ACTL8: variants seen among roughly 807,000 people sequenced by gnomAD.
ACTL8 encodes actin like 8.
A neutral mutation model predicts 9.3 loss-of-function variants in ACTL8; 3 were observed. The observed-to-expected ratio is 0.32, with a 90% CI of 0.15 to 0.83. The LOEUF is 0.83. ACTL8 is among the 40% of genes least tolerant of loss of function. The pLI is 0.57. For missense variants in ACTL8, 381 were observed against 492.2 expected (o/e 0.77, Z 2.14); for synonymous variants, 224 against 205.9 (o/e 1.09, Z -0.75).
intron 1 of ACTL8, among the ~76,000 whole-genome samples, chr1:17,775,113 C>G (rs532227667): frequency 4.6e-5 from 7 of 152,326 alleles, no homozygotes; most frequent in African/African-American, 1.7e-4. Context: ...TCTGAGAGGA[C>G]TCCTTACATC....
At chr1:17,783,073 A>G (rs2066167871) in intron 1 of ACTL8, among the ~76,000 whole-genome samples, 1 of 152,186 alleles carries the variant, frequency 6.6e-6, no homozygotes, top group African/African-American at 2.4e-5. Flanking sequence ...CACCAAGAAC[A>G]GGTCTTGCTT....
chr1:17,787,178 A>G (rs1216358307), intron 1 of ACTL8, among the ~76,000 whole-genome samples: 2 of 152,082 alleles, frequency 1.3e-5, no homozygotes, highest in Non-Finnish European at 2.9e-5. Flanking sequence ...TCTTATAGTC[A>G]GTTACAAACA....
chr1:17,796,837 C>T (rs4920385), intron 1 of ACTL8, among the ~76,000 whole-genome samples: 31,817 of 152,168 alleles, frequency 0.21, 4,076 homozygotes, highest in Admixed American at 0.38. Context: ...GGCTACTTGT[C>T]GGAGTGTTAA....
intron 1 of ACTL8, among the ~76,000 whole-genome samples, chr1:17,807,202 C>T (rs960678956): frequency 1.3e-5 from 2 of 152,210 alleles, no homozygotes; most frequent in African/African-American, 4.8e-5. Flanking sequence ...ATCTTAATTC[C>T]ATCCGCAGTC....
intron 1 of ACTL8, among the ~76,000 whole-genome samples, chr1:17,810,206 A>G (rs557121660): frequency 6.6e-6 from 1 of 152,218 alleles, no homozygotes; most frequent in South Asian, 2.1e-4. Flanking sequence ...TTCTTTTCCT[A>G]AAAGCTTTTC....
intron 1 of ACTL8, among the ~76,000 whole-genome samples, chr1:17,777,039 A>G (rs12121439): frequency 0.33 from 42,812 of 130,442 alleles, 6,683 homozygotes; most frequent in Admixed American, 0.45. Flanking sequence ...GCCCAGGCTG[A>G]TCTTGAATCC....
At chr1:17,758,942 G>A (rs1292390991) in intron 1 of ACTL8, among the ~76,000 whole-genome samples, 1 of 152,198 alleles carries the variant, frequency 6.6e-6, no homozygotes, top group Non-Finnish European at 1.5e-5. Flanking sequence ...ATGTTCCATG[G>A]AACTGTGATC....
Position 17,767,892 on chromosome 1 carries a change from C to T in ACTL8, c.-25+12388C>T, listed in dbSNP as rs1048214762. 1.3e-5 allele frequency among the ~76,000 whole-genome samples: 2 copies of T among 152,074 alleles called. No homozygotes were observed. Among genetic ancestry groups the T allele is most frequent in the Non-Finnish European group, 2.9e-5 (2 of 68,026 alleles). On this transcript the variant is annotated intron_variant, in intron 1 of 2. Coordinates refer to ENST00000375406, the MANE Select transcript of ACTL8 (RefSeq NM_030812.3). This position sits in a 1 kb window ranked among gnomAD's most constrained non-coding sequence, Gnocchi z 4.7. The stretch of plus-strand genomic sequence containing the variant: ...TGTGGCTTTTCTCGAAAGCATGAGG[C>T]CCCAGCCTCCCTGGGTGTGCAGAAT...
chr1:17,774,066 T>A (rs575020185), intron 1 of ACTL8, among the ~76,000 whole-genome samples: 1 of 152,266 alleles, frequency 6.6e-6, no homozygotes, highest in African/African-American at 2.4e-5. Context: ...CCTGTGGACA[T>A]TGCTGTCATG....
chr1:17,799,490 C>A (rs537809682), intron 1 of ACTL8, among the ~76,000 whole-genome samples: 1 of 150,702 alleles, frequency 6.6e-6, no homozygotes, highest in African/African-American at 2.4e-5. Flanking sequence ...TTTCTAAGTT[C>A]GTTCCATGTC....
intron 1 of ACTL8, among the ~76,000 whole-genome samples, chr1:17,773,993 G>T (rs2066100473): frequency 6.6e-6 from 1 of 152,150 alleles, no homozygotes; most frequent in Non-Finnish European, 1.5e-5. Context: ...CATACAGGTG[G>T]GTAGACTGAG....
chr1:17,791,578 G>A (rs1031487102), intron 1 of ACTL8, among the ~76,000 whole-genome samples: 1 of 152,194 alleles, frequency 6.6e-6, no homozygotes, highest in Non-Finnish European at 1.5e-5. Flanking sequence ...GCACATCGGG[G>A]TGCAGAGTGA....
chr1:17,823,780 A>G lies in ACTL8; in HGVS notation c.348+424A>G, dbSNP rs1384228585. Among the ~76,000 whole-genome samples, 1 of 152,108 alleles carries G rather than the reference A, an allele frequency of 6.6e-6. No individual in the cohort carries two copies. The highest frequency in any genetic ancestry group is 1.5e-5 in the Non-Finnish European group (1 of 68,024). On this transcript the variant is annotated intron_variant, in intron 2 of 2. Coordinates refer to ENST00000375406, the MANE Select transcript of ACTL8 (RefSeq NM_030812.3). The surrounding 1 kb of genome is among the most constrained non-coding windows in gnomAD (Gnocchi z 5.3). ...ACAGAAACCAACAAATTGCCCCACA[A>G]ACATTTCCCAAGAACCTAGTGAATG...
At position 17,798,100 on chromosome 1, in the gene ACTL8, A is replaced by G. The variant is rs575219201; in HGVS notation, c.-24-24885A>G. Among the ~76,000 whole-genome samples the G allele has an allele frequency of 2.4e-4, 36 of 150,660 alleles. 1 individual carries two copies. In the South Asian group the frequency reaches 7.4e-3, roughly 31 times the overall value. On this transcript the variant is annotated intron_variant, in intron 1 of 2. Coordinates refer to ENST00000375406, the MANE Select transcript of ACTL8 (RefSeq NM_030812.3). ...TCTGGGGGCACCTGGGTTCTCTCCTAGGATCTCAAGGAATTAGCTAATTAG... is the reference window on the plus strand; with the variant it reads ...TCTGGGGGCACCTGGGTTCTCTCCTGGGATCTCAAGGAATTAGCTAATTAG...
At chr1:17,773,871 A>G (rs1310912115) in intron 1 of ACTL8, among the ~76,000 whole-genome samples, 4 of 152,190 alleles carry the variant, frequency 2.6e-5, no homozygotes, top group Admixed American at 6.5e-5. Flanking sequence ...TCCGTCTTCT[A>G]CTTTGCGAAG....
intron 1 of ACTL8, among the ~76,000 whole-genome samples, chr1:17,765,777 G>A (rs1052779464): frequency 5.9e-5 from 9 of 152,216 alleles, no homozygotes; most frequent in African/African-American, 2.2e-4. Context: ...GGGCAGAGCT[G>A]ACTGGTCTGA....
At position 17,823,624 on chromosome 1, in the gene ACTL8, A is replaced by AGGCT. The variant is rs2053683944; in HGVS notation, c.348+270_348+273dup. ...CCAGGTGTGGTCCCAGCTACCTGGG[A>AGGCT]GGCTGAGGTGGGAGGATCAGTTGAG... On this transcript the variant is annotated intron_variant, in intron 2 of 2. Coordinates refer to ENST00000375406, the MANE Select transcript of ACTL8 (RefSeq NM_030812.3). This position sits in a 1 kb window ranked among gnomAD's most constrained non-coding sequence, Gnocchi z 5.3. 6.6e-6 allele frequency among the ~76,000 whole-genome samples: 1 copy of AGGCT among 152,098 alleles called. No individual in the cohort carries two copies. The highest frequency in any genetic ancestry group is 1.5e-5 in the Non-Finnish European group (1 of 68,002).
At chr1:17,799,557 CTG>C (rs763077930) in intron 1 of ACTL8, among the ~76,000 whole-genome samples, 56 of 151,598 alleles carry the variant, frequency 3.7e-4, no homozygotes, top group Non-Finnish European at 6.0e-4. Flanking sequence ...TTAAAGGTGT[CTG>C]TGTTTTCACT....
Position 17,826,673 on chromosome 1 carries a change from G to GT in ACTL8, c.*158dup. 2 of 735,670 alleles carry GT rather than the reference G, an allele frequency of 2.7e-6. No individual in the cohort carries two copies. The highest frequency in any genetic ancestry group is 4.0e-6 in the Non-Finnish European group (2 of 494,530). 45.6% of individuals were successfully genotyped at this position (735,670 alleles called of 1,614,324 possible). A position where few individuals can be genotyped will look rare whatever the true frequency, so the allele number is the denominator to read the frequency against. ...ATGAGGGTATTTTTTAGGTTCTAAG[G>GT]TTTTATCTTGTTGCAAGAGTGGGAC... On this transcript the variant is annotated 3_prime_UTR_variant, in exon 3 of 3. Transcript: ENST00000375406. The surrounding 1 kb of genome is among the most constrained non-coding windows in gnomAD (Gnocchi z 4.5).
Sources: allele counts gnomAD v4.1 joint callset (sites outside exome capture counted in the v4.1 genomes callset), GRCh38; gene constraint gnomAD v4.1.1; non-coding constraint Gnocchi (gnomAD v3.1); transcripts MANE v1.5; gene names NCBI Gene and HGNC (gene_info 2026-07-23, HGNC 2026-07-21).